NEDD4L: variants seen among roughly 807,000 people sequenced by gnomAD.
NEDD4L encodes NEDD4 like E3 ubiquitin protein ligase.
NEDD4L carries 54 observed loss-of-function variants against 148.9 expected under a neutral mutation model. That is an observed-to-expected ratio of 0.36 (90% confidence interval 0.29 to 0.45). The LOEUF (loss-of-function observed/expected upper bound fraction) is 0.45. NEDD4L is among the 20% of genes least tolerant of loss of function. The pLI, the probability that NEDD4L is intolerant of heterozygous loss-of-function variation, is 1.00. For synonymous variants in NEDD4L, 433 were observed against 440.7 expected, an observed-to-expected ratio of 0.98 and a Z score of 0.22; for missense variants, 856 against 1,233.8, an observed-to-expected ratio of 0.69 and a Z score of 4.59.
intron 24 of NEDD4L, 91 bp downstream of exon 24, chr18:58,373,360 A>G: frequency 2.7e-6 from 2 of 732,642 alleles, no homozygotes; most frequent in Non-Finnish European, 4.9e-6. Flanking sequence ...CTGGACCATC[A>G]GAAACAACCA....
chr18:58,142,571 C>G (rs546065612), intron 1 of NEDD4L, among the ~76,000 whole-genome samples: 13 of 152,278 alleles, frequency 8.5e-5, no homozygotes, highest in African/African-American at 3.1e-4. Flanking sequence ...TAGCTTTCTA[C>G]TTAAGCTAGA....
At chr18:58,308,002 G>A (rs1157128761) in intron 5 of NEDD4L, among the ~76,000 whole-genome samples, 1 of 152,148 alleles carries the variant, frequency 6.6e-6, no homozygotes, top group East Asian at 1.9e-4. Context: ...GTAGAAAAGA[G>A]ACACTTATCC....
chr18:58,173,963 C>G (rs1009026661), intron 2 of NEDD4L, among the ~76,000 whole-genome samples: 2 of 152,210 alleles, frequency 1.3e-5, no homozygotes, highest in East Asian at 3.9e-4. Context: ...CTCTTGGTCT[C>G]TTTGCAAACT....
At chr18:58,383,505 G>A (rs2048610664) in intron 25 of NEDD4L, among the ~76,000 whole-genome samples, 186 bp downstream of exon 25, 1 of 152,172 alleles carries the variant, frequency 6.6e-6, no homozygotes, top group African/African-American at 2.4e-5. Flanking sequence ...AGTCTGTCTT[G>A]TATCATGACT....
chr18:58,357,469 C>T, intron 19 of NEDD4L: 1 of 690,134 alleles, frequency 1.4e-6, no homozygotes, highest in South Asian at 1.5e-5. Flanking sequence ...AGGAAAACAG[C>T]TTGATAACGA....
chr18:58,082,428 A>C (rs1034317751), intron 1 of NEDD4L, among the ~76,000 whole-genome samples: 1 of 151,214 alleles, frequency 6.6e-6, no homozygotes, highest in South Asian at 2.1e-4. Flanking sequence ...AGTACTGTTT[A>C]TGCATTTTGT....
chr18:58,304,096 C>T (rs1217474099), intron 5 of NEDD4L, among the ~76,000 whole-genome samples: 1 of 152,046 alleles, frequency 6.6e-6, no homozygotes, highest in Non-Finnish European at 1.5e-5. Context: ...GTGAGAGTTG[C>T]TGCTATATCT....
At chr18:58,108,063 G>A (rs148545928) in intron 1 of NEDD4L, among the ~76,000 whole-genome samples, 187 of 152,292 alleles carry the variant, frequency 1.2e-3, no homozygotes, top group African/African-American at 4.3e-3. Flanking sequence ...CTCAGAATAC[G>A]GAGATCTGGG....
At chr18:58,149,626 C>T (rs1038827751) in intron 1 of NEDD4L, 1 of 986,526 alleles carries the variant, frequency 1.0e-6, no homozygotes, top group Non-Finnish European at 1.6e-6. Context: ...TTCTGAAGCT[C>T]TCCACATCCA....
At chr18:58,265,718 C>T (rs948854618) in intron 5 of NEDD4L, among the ~76,000 whole-genome samples, 1 of 152,008 alleles carries the variant, frequency 6.6e-6, no homozygotes, top group Admixed American at 6.6e-5. Flanking sequence ...TACATGTCAA[C>T]ACACGCAGCT....
intron 2 of NEDD4L, among the ~76,000 whole-genome samples, chr18:58,197,483 C>T (rs1220854823): frequency 6.6e-6 from 1 of 152,160 alleles, no homozygotes; most frequent in Non-Finnish European, 1.5e-5. Context: ...CTGAAACTAC[C>T]CACACCTGTG....
intron 16 of NEDD4L, 145 bp downstream of exon 16, chr18:58,343,248 G>C: frequency 1.2e-5 from 3 of 249,450 alleles, no homozygotes; most frequent in Non-Finnish European, 1.6e-5. Context: ...CCTGCATCTG[G>C]CCCCTGCATA....
At chr18:58,079,697 G>A (rs1281249234) in intron 1 of NEDD4L, among the ~76,000 whole-genome samples, 1 of 152,202 alleles carries the variant, frequency 6.6e-6, no homozygotes, top group Non-Finnish European at 1.5e-5. Context: ...TTGGTGGGGA[G>A]TATGTGTGAG....
chr18:58,295,761 A>G (rs1257168108), intron 5 of NEDD4L, among the ~76,000 whole-genome samples: 2 of 152,156 alleles, frequency 1.3e-5, no homozygotes, highest in Non-Finnish European at 1.5e-5. Flanking sequence ...CAGATGCACA[A>G]CCACCCACAG....
intron 1 of NEDD4L, among the ~76,000 whole-genome samples, chr18:58,063,063 TG>T (rs71173028): frequency 0.17 from 2,616 of 15,298 alleles, 200 homozygotes; most frequent in South Asian, 0.44. Flanking sequence ...TTTTTTTTTT[TG>T]AGACAGTATC....
At chr18:58,294,444 T>G (rs1269680223) in intron 5 of NEDD4L, among the ~76,000 whole-genome samples, 1 of 152,166 alleles carries the variant, frequency 6.6e-6, no homozygotes, top group Non-Finnish European at 1.5e-5. Flanking sequence ...TTCACACACA[T>G]TTCTTAGGAA....
At chr18:58,223,742 G>T (rs1599879228) in intron 2 of NEDD4L, among the ~76,000 whole-genome samples, 1 of 152,180 alleles carries the variant, frequency 6.6e-6, no homozygotes, top group Non-Finnish European at 1.5e-5. Context: ...CTTGAAGTGA[G>T]CCTGCCACTC....
chr18:58,392,131 AGTT>A (rs1190480990), intron 30 of NEDD4L, among the ~76,000 whole-genome samples: 3 of 152,228 alleles, frequency 2.0e-5, no homozygotes, highest in Non-Finnish European at 2.9e-5. Context: ...GAAGGGTCCC[AGTT>A]GTTTTCTGAA....
intron 5 of NEDD4L, among the ~76,000 whole-genome samples, chr18:58,300,565 G>A (rs1048966592): frequency 2.6e-5 from 4 of 152,172 alleles, no homozygotes; most frequent in African/African-American, 4.8e-5. Context: ...GACAGAATAC[G>A]GAGCCATGCT....
Sources: gnomAD v4.1 joint callset for allele counts (sites outside exome capture counted in the v4.1 genomes callset) on GRCh38, gnomAD v4.1.1 for gene constraint, MANE v1.5 for transcripts, NCBI Gene and HGNC (gene_info 2026-07-23, HGNC 2026-07-21) for gene names.